The following EPB41L2 variants were observed in gnomAD, a reference collection of about 807,000 sequenced individuals.
EPB41L2 encodes the protein erythrocyte membrane protein band 4.1 like 2.
In EPB41L2, 43 loss-of-function variants were observed where a neutral mutation model predicts 113.0. That is an observed-to-expected ratio of 0.38 (90% CI 0.30 to 0.49). EPB41L2 has a LOEUF of 0.49. Among genes scored for constraint, EPB41L2 ranks in the 20% least tolerant of loss-of-function variants. The pLI, the probability that EPB41L2 is intolerant of heterozygous loss-of-function variation, is 0.95. For missense variants in EPB41L2, 1,147 were observed against 1,223.4 expected, an observed-to-expected ratio of 0.94 and a Z score of 0.93; for synonymous variants, 442 against 436.7, an observed-to-expected ratio of 1.01 and a Z score of -0.15.
chr6:130,897,230 A>G (rs1400560222), intron 8 of EPB41L2, among the ~76,000 whole-genome samples: 1 of 152,204 alleles, frequency 6.6e-6, no homozygotes, highest in African/African-American at 2.4e-5. Context: ...TAATTAAAAA[A>G]AAAAATCTGA....
At chr6:130,956,564 G>A (rs527851846) in intron 1 of EPB41L2, 65 bp from the exon 2 acceptor site, 99 of 1,404,774 alleles carry the variant, frequency 7.0e-5, no homozygotes, top group Admixed American at 1.7e-4. Context: ...GTTTGGTTGC[G>A]AGGGGCATGG....
chr6:130,865,704 C>T (rs908201462), intron 16 of EPB41L2, 70 bp from the exon 17 acceptor site: 24 of 1,483,724 alleles, frequency 1.6e-5, no homozygotes, highest in Admixed American at 1.7e-5. Context: ...AAGATCCCCG[C>T]CCCATCGAAT....
chr6:130,943,689 A>C (rs1811681272), intron 3 of EPB41L2, among the ~76,000 whole-genome samples: 1 of 152,222 alleles, frequency 6.6e-6, no homozygotes, highest in South Asian at 2.1e-4. Flanking sequence ...AAATGTGGAG[A>C]AGACAGAGAA....
intron 5 of EPB41L2, among the ~76,000 whole-genome samples, chr6:130,906,845 C>T (rs1334911301): frequency 2.6e-5 from 4 of 152,184 alleles, no homozygotes; most frequent in Non-Finnish European, 5.9e-5. Flanking sequence ...TTCATTTCCT[C>T]AGCCTGCTTT....
rs968856121 is a variant in EPB41L2 at position 130,963,477 on chromosome 6, C to CA, written c.-14-6979dup. 5.3e-5 allele frequency among the ~76,000 whole-genome samples: 8 copies of CA among 151,394 alleles called. No individual in the cohort carries two copies. In the South Asian group the frequency reaches 6.3e-4, roughly 12 times the overall value. ...TAACAACTCTAAATAAGAATGAAACCAAAAAAAATCTTACTTTATCAACAT... is the reference window on the plus strand; with the variant it reads ...TAACAACTCTAAATAAGAATGAAACCAAAAAAAAATCTTACTTTATCAACAT... On this transcript the variant is annotated intron_variant, in intron 1 of 19. Coordinates refer to ENST00000337057, the MANE Select transcript of EPB41L2 (RefSeq NM_001431.4).
At chr6:130,954,551 G>A (rs1470207018) in intron 3 of EPB41L2, among the ~76,000 whole-genome samples, 2 of 152,058 alleles carry the variant, frequency 1.3e-5, no homozygotes, top group South Asian at 2.1e-4. Flanking sequence ...TATACGTTAC[G>A]TAAATAATTT....
chr6:130,893,793 A>G (rs903087113), intron 10 of EPB41L2, among the ~76,000 whole-genome samples: 3 of 152,188 alleles, frequency 2.0e-5, no homozygotes, highest in African/African-American at 7.2e-5. Flanking sequence ...GGGGGTCAGA[A>G]CGTTCCTGAC....
chr6:130,859,929 T>C (rs765514754), intron 18 of EPB41L2, among the ~76,000 whole-genome samples: 7 of 152,120 alleles, frequency 4.6e-5, no homozygotes, highest in Non-Finnish European at 7.4e-5. Flanking sequence ...CAGAAGTGTT[T>C]GTCAAGGCGG....
chr6:130,997,449 G>A (rs1783399839), intron 1 of EPB41L2, among the ~76,000 whole-genome samples: 1 of 152,094 alleles, frequency 6.6e-6, no homozygotes, highest in East Asian at 1.9e-4. Flanking sequence ...AGTGCAGGGG[G>A]GATCTACTTT....
At chr6:130,983,093 C>T (rs9321265) in intron 1 of EPB41L2, among the ~76,000 whole-genome samples, 30,902 of 152,130 alleles carry the variant, frequency 0.2, 3,581 homozygotes, top group African/African-American at 0.29. Context: ...CATTTGCCCA[C>T]GGACTTTACT....
chr6:130,912,766 CA>C (rs112394491), intron 4 of EPB41L2, among the ~76,000 whole-genome samples: 3,600 of 152,180 alleles, frequency 0.024, 132 homozygotes, highest in African/African-American at 0.082. Flanking sequence ...AAAAACACAT[CA>C]TTCAGCCTCT....
At chr6:130,864,491 G>A (rs1012030458) in intron 17 of EPB41L2, among the ~76,000 whole-genome samples, 7 of 152,194 alleles carry the variant, frequency 4.6e-5, no homozygotes, top group South Asian at 2.1e-4. Context: ...GCCTCACAGC[G>A]TTATGGGCTC....
At chr6:130,926,566 AT>A in intron 4 of EPB41L2, 38 bp downstream of exon 4, 4 of 1,400,408 alleles carry the variant, frequency 2.9e-6, no homozygotes, top group Non-Finnish European at 4.0e-6. Context: ...AAAATACAAT[AT>A]GTTCTAAAAA....
intron 4 of EPB41L2, among the ~76,000 whole-genome samples, chr6:130,924,384 C>CT (rs57006889): frequency 0.44 from 65,057 of 148,142 alleles, 15,823 homozygotes; most frequent in Non-Finnish European, 0.54. Flanking sequence ...TCATGGAGTT[C>CT]TTTTTTTTTT....
At chr6:130,974,344 G>T (rs1777627511) in intron 1 of EPB41L2, among the ~76,000 whole-genome samples, 2 of 152,096 alleles carry the variant, frequency 1.3e-5, no homozygotes, top group Non-Finnish European at 1.5e-5. Flanking sequence ...AGTACCTGTT[G>T]TGTAAGTCAC....
intron 3 of EPB41L2, among the ~76,000 whole-genome samples, chr6:130,950,174 G>A (rs1053049954): frequency 2.0e-5 from 3 of 152,048 alleles, no homozygotes; most frequent in African/African-American, 7.2e-5. Flanking sequence ...AGCTATGAAA[G>A]CAATGTTTTA....
At chr6:130,982,740 A>G (rs1779667544) in intron 1 of EPB41L2, among the ~76,000 whole-genome samples, 1 of 152,248 alleles carries the variant, frequency 6.6e-6, no homozygotes, top group South Asian at 2.1e-4. Flanking sequence ...CTACCTGGTG[A>G]GAAAGCTTTC....
At chr6:130,927,868 A>G (rs1335058667) in intron 3 of EPB41L2, among the ~76,000 whole-genome samples, 1 of 152,114 alleles carries the variant, frequency 6.6e-6, no homozygotes, top group Non-Finnish European at 1.5e-5. Flanking sequence ...TGAGGCAGGC[A>G]TATCTCTTGA....
intron 1 of EPB41L2, among the ~76,000 whole-genome samples, chr6:131,005,612 C>T (rs1041102059): frequency 5.9e-5 from 9 of 152,188 alleles, no homozygotes; most frequent in African/African-American, 2.2e-4. Context: ...TTCCTGCTCC[C>T]TTCTATAAGG....
Sources: allele counts gnomAD v4.1 joint callset (sites outside exome capture counted in the v4.1 genomes callset), GRCh38; gene constraint gnomAD v4.1.1; transcripts MANE v1.5; gene names NCBI Gene and HGNC (gene_info 2026-07-23, HGNC 2026-07-21).